Variants in SH3GLB1 observed in about 807,000 individuals in gnomAD.
SH3GLB1 encodes SH3 domain containing GRB2 like, endophilin B1.
SH3GLB1 carries 17 observed loss-of-function variants against 42.0 expected under a neutral mutation model. The ratio of observed to expected loss-of-function variants is 0.40; its 90% CI spans 0.28 to 0.61. SH3GLB1 has a LOEUF of 0.61. Ranked by LOEUF, SH3GLB1 falls within the 20% of genes least tolerant of loss-of-function variation. SH3GLB1 has a pLI of 0.36. For synonymous variants in SH3GLB1, 132 were observed against 146.6 expected, an observed-to-expected ratio of 0.90 and a Z score of 0.72; for missense variants, 355 against 426.3, an observed-to-expected ratio of 0.83 and a Z score of 1.47.
rs529669123 is a variant in SH3GLB1, at chr1:86,715,881, T to C, written c.214+16T>C. 1.2e-6 allele frequency: 2 copies of C among 1,600,892 alleles called. No individual in the cohort carries two copies. Among genetic ancestry groups the C allele is most frequent in the Admixed American group, 3.6e-5 (2 of 55,446 alleles). On this transcript the variant is annotated intron_variant, in intron 2 of 8. Transcript: ENST00000370558. ...CCAAATCCAAGTAAGAAACTCTACC[T>C]CTTGTGTACCTTAAGTACTATTAGT...
At chr1:86,727,772 C>A (rs979695617) in intron 5 of SH3GLB1, among the ~76,000 whole-genome samples, 1 of 151,930 alleles carries the variant, frequency 6.6e-6, no homozygotes, top group South Asian at 2.1e-4. Flanking sequence ...GTGGTTTAGA[C>A]CTCTGTTAAT....
chr1:86,719,995 C>CAAAAAAA (rs570115346), intron 3 of SH3GLB1, among the ~76,000 whole-genome samples: 2 of 62,422 alleles, frequency 3.2e-5, no homozygotes, highest in African/African-American at 1.1e-4. Flanking sequence ...GACTCTGTCT[C>CAAAAAAA]AAAAAAAAAA....
rs370768436 is a variant in SH3GLB1, at chr1:86,738,883, A to G, written c.762-3325A>G. 4.9e-4 allele frequency among the ~76,000 whole-genome samples: 75 copies of G among 152,286 alleles called. 2 individuals are homozygous for G. The South Asian group carries it at 0.015, about 30-fold the overall frequency. On this transcript the variant is annotated intron_variant, in intron 7 of 8. Transcript: ENST00000370558. ...GGTCTTGAACTCCTGGCCTCAGGCT[A>G]TCTGCCCGCCTCAGCCTCTCAAAGT...
intron 5 of SH3GLB1, among the ~76,000 whole-genome samples, chr1:86,729,375 G>T (rs1655385354): frequency 6.6e-6 from 1 of 150,746 alleles, no homozygotes; most frequent in African/African-American, 2.4e-5. Context: ...TTTTGTTTTT[G>T]TTTTTTTTTA....
chr1:86,722,815 A>G (rs1570265336), intron 4 of SH3GLB1, 142 bp downstream of exon 4: 1 of 626,990 alleles, frequency 1.6e-6, no homozygotes, highest in Non-Finnish European at 2.5e-6. Flanking sequence ...GTTCACCAGA[A>G]CACAAAATTA....
At chr1:86,732,938 T>TA (rs1328904762) in intron 5 of SH3GLB1, among the ~76,000 whole-genome samples, 3 of 152,052 alleles carry the variant, frequency 2.0e-5, no homozygotes, top group African/African-American at 7.2e-5. Context: ...ACTAACCTAG[T>TA]TTATTTCTGA....
At chr1:86,722,035 T>C (rs1654891608) in intron 3 of SH3GLB1, among the ~76,000 whole-genome samples, 1 of 139,446 alleles carries the variant, frequency 7.2e-6, no homozygotes, top group Admixed American at 7.3e-5. Context: ...TTTTTTTTAA[T>C]AGTGACAGGC....
intron 1 of SH3GLB1, among the ~76,000 whole-genome samples, chr1:86,714,706 T>C (rs1255164512): frequency 2.0e-5 from 3 of 152,178 alleles, no homozygotes; most frequent in African/African-American, 7.2e-5. Flanking sequence ...AGGTGAACAC[T>C]GTTTTGTCAG....
chr1:86,719,695 T>C, intron 3 of SH3GLB1, 60 bp downstream of exon 3: 5 of 1,555,648 alleles, frequency 3.2e-6, no homozygotes, highest in Non-Finnish European at 4.4e-6. Context: ...TTATTAGAGA[T>C]GTCATTAACA....
chr1:86,710,104 A>G (rs1458239312), intron 1 of SH3GLB1, among the ~76,000 whole-genome samples: 1 of 152,242 alleles, frequency 6.6e-6, no homozygotes, highest in Non-Finnish European at 1.5e-5. Context: ...AGTGTTACTT[A>G]AAACTGTTTT....
At chr1:86,716,258 T>TTTTG (rs534830553) in intron 2 of SH3GLB1, among the ~76,000 whole-genome samples, 241 of 123,600 alleles carry the variant, frequency 1.9e-3, no homozygotes, top group Middle Eastern at 8.0e-3. Flanking sequence ...TGGTGTGTTT[T>TTTTG]TTTGTTTGTT....
chr1:86,710,374 C>T (rs770392349), intron 1 of SH3GLB1, among the ~76,000 whole-genome samples: 2 of 152,038 alleles, frequency 1.3e-5, no homozygotes, highest in Non-Finnish European at 2.9e-5. Flanking sequence ...AAGCTATCCT[C>T]CTTCCTCAGC....
At chr1:86,724,913 A>ATATATATATATATAT (rs1553208269) in intron 5 of SH3GLB1, among the ~76,000 whole-genome samples, 2 of 122,482 alleles carry the variant, frequency 1.6e-5, no homozygotes, top group African/African-American at 7.7e-5. Flanking sequence ...ATATATATAT[A>ATATATATATATATAT]AAATATATAA....
intron 5 of SH3GLB1, among the ~76,000 whole-genome samples, chr1:86,726,454 G>A (rs1655198880): frequency 6.6e-6 from 1 of 151,858 alleles, no homozygotes; most frequent in African/African-American, 2.4e-5. Flanking sequence ...AAAGATCTTG[G>A]CAATTTTTCT....
rs1428217607 is a variant in SH3GLB1, at chr1:86,724,888, A to ATAT, written c.570+483_570+484insTAT. Among the ~76,000 whole-genome samples the ATAT allele has an allele frequency of 9.8e-4, 97 of 99,466 alleles. 1 individual carries two copies. Among genetic ancestry groups the ATAT allele is most frequent in the Middle Eastern group, 5.2e-3 (1 of 194 alleles). The allele number at this position is 99,466 out of a possible 152,430, so 65.3% of individuals were successfully genotyped here. On this transcript the variant is annotated intron_variant, in intron 5 of 8. Coordinates refer to ENST00000370558, the MANE Select transcript of SH3GLB1 (RefSeq NM_016009.5). ...GACCCTGTCTTTAAAAAAAAAAAAAAAAAAATATATATATATATATATATA... is the reference window on the plus strand; with the variant it reads ...GACCCTGTCTTTAAAAAAAAAAAAAATATAAAAATATATATATATATATATATA...
At chr1:86,706,144 T>A (rs1375161955) in intron 1 of SH3GLB1, among the ~76,000 whole-genome samples, 1 of 152,224 alleles carries the variant, frequency 6.6e-6, no homozygotes, top group Admixed American at 6.5e-5. Flanking sequence ...TATTAACCCC[T>A]TTTATATATG....
Position 86,730,061 on chromosome 1 carries a change from T to G in SH3GLB1, c.571-4541T>G, listed in dbSNP as rs544008728. 45 of 1,577,662 alleles carry G rather than the reference T, an allele frequency of 2.9e-5. No homozygotes were observed. In the South Asian group the frequency reaches 4.8e-4, roughly 17 times the overall value. Reference sequence around the variant, plus strand: ...AAATTCCAACTTTCATGCTTTATATTTTTCTCTAATTTTTAATGCTGGCTA... The same window carrying G: ...AAATTCCAACTTTCATGCTTTATATGTTTCTCTAATTTTTAATGCTGGCTA... On this transcript the variant is annotated intron_variant, in intron 5 of 8. Coordinates refer to ENST00000370558, the MANE Select transcript of SH3GLB1 (RefSeq NM_016009.5).
chr1:86,711,666 T>C (rs1654217728), intron 1 of SH3GLB1, among the ~76,000 whole-genome samples: 1 of 152,150 alleles, frequency 6.6e-6, no homozygotes, highest in South Asian at 2.1e-4. Flanking sequence ...GTAATGATTT[T>C]TGACTTGAAG....
chr1:86,721,658 CTA>C (rs1339463830), intron 3 of SH3GLB1, among the ~76,000 whole-genome samples: 1 of 152,108 alleles, frequency 6.6e-6, no homozygotes, highest in African/African-American at 2.4e-5. Context: ...TAAGATATCA[CTA>C]TGAACTATTA....
Sources: gnomAD v4.1 joint callset for allele counts (sites outside exome capture counted in the v4.1 genomes callset) on GRCh38, gnomAD v4.1.1 for gene constraint, MANE v1.5 for transcripts, NCBI Gene and HGNC (gene_info 2026-07-23, HGNC 2026-07-21) for gene names.